The following SCHIP1 variants were observed in gnomAD, a reference collection of about 807,000 sequenced individuals.
SCHIP1 encodes the protein schwannomin-interacting protein 1.
Under a neutral mutation model 29.7 loss-of-function variants are expected in SCHIP1, and 8 were observed. The ratio of observed to expected loss-of-function variants is 0.27; its 90% CI spans 0.16 to 0.49. The LOEUF is 0.49. Ranked by LOEUF, SCHIP1 falls within the 20% of genes least tolerant of loss-of-function variation. SCHIP1 has a pLI of 0.99. For synonymous variants in SCHIP1, 76 were observed against 94.9 expected (o/e 0.80, Z 1.16); for missense variants, 193 against 294.6 (o/e 0.66, Z 2.52).
chr3:159,530,866 G>A, the SCHIP1 span, among the ~76,000 whole-genome samples: 2 of 152,162 alleles, frequency 1.3e-5, no homozygotes, highest in Non-Finnish European at 2.9e-5. Flanking sequence ...ACATGACCAG[G>A]AGGTTGAAAT....
chr3:159,365,380 G>A, the SCHIP1 span, among the ~76,000 whole-genome samples: 1 of 152,022 alleles, frequency 6.6e-6, no homozygotes, highest in Non-Finnish European at 1.5e-5. Flanking sequence ...ACTGTCAGGG[G>A]CATATGATGT....
At chr3:159,487,854 C>T in the SCHIP1 span, among the ~76,000 whole-genome samples, 5 of 152,232 alleles carry the variant, frequency 3.3e-5, no homozygotes, top group East Asian at 1.9e-4. Flanking sequence ...AAAGTTTTTA[C>T]GTTAGTCTTT....
chr3:159,696,222 C>T, the SCHIP1 span, among the ~76,000 whole-genome samples: 4 of 152,208 alleles, frequency 2.6e-5, no homozygotes, highest in East Asian at 1.9e-4. Context: ...TTACCACCAC[C>T]GTACCATCCA....
At position 159,892,078 on chromosome 3, in the gene SCHIP1, G is replaced by A. The variant is rs1308156268; in HGVS notation, c.590-19G>A. 3.7e-6 allele frequency: 6 copies of A among 1,608,830 alleles called. No homozygotes were observed. In the African/African-American group the frequency reaches 8.0e-5, roughly 22 times the overall value. ...GAGGCAGTTTTATCTGTTTTTAAATGTTCTGTTATTTGCCACAGGCTTGAA... is the reference window on the plus strand; with the variant it reads ...GAGGCAGTTTTATCTGTTTTTAAATATTCTGTTATTTGCCACAGGCTTGAA... On this transcript the variant is annotated intron_variant, in intron 5 of 6. Transcript: ENST00000445224.
chr3:159,286,289 C>A, the SCHIP1 span, among the ~76,000 whole-genome samples: 1 of 152,228 alleles, frequency 6.6e-6, no homozygotes, highest in South Asian at 2.1e-4. Flanking sequence ...GTGTTCTCAT[C>A]ATTTAGCTCC....
chr3:159,428,988 T>C, the SCHIP1 span, among the ~76,000 whole-genome samples: 5 of 147,374 alleles, frequency 3.4e-5, no homozygotes, highest in African/African-American at 7.6e-5. Flanking sequence ...TAGGTGGGAA[T>C]TGAACAATGA....
the SCHIP1 span, among the ~76,000 whole-genome samples, chr3:159,555,048 T>A: frequency 8.5e-5 from 13 of 152,298 alleles, no homozygotes; most frequent in Admixed American, 2.0e-4. Flanking sequence ...ATTAATTTTT[T>A]AAAAATTGGC....
chr3:159,508,698 T>A, the SCHIP1 span, among the ~76,000 whole-genome samples: 1 of 152,242 alleles, frequency 6.6e-6, no homozygotes, highest in Non-Finnish European at 1.5e-5. Flanking sequence ...AAAGAACATC[T>A]TTATTTCTGC....
chr3:159,395,407 A>C, the SCHIP1 span, among the ~76,000 whole-genome samples: 3 of 151,394 alleles, frequency 2.0e-5, no homozygotes, highest in Admixed American at 6.6e-5. Context: ...TTTAATTGTG[A>C]TGTTAGGGTG....
chr3:159,319,363 T>C, the SCHIP1 span, among the ~76,000 whole-genome samples: 1 of 152,182 alleles, frequency 6.6e-6, no homozygotes, highest in Non-Finnish European at 1.5e-5. Flanking sequence ...TAACAAAGGT[T>C]GGGGCATGAA....
chr3:159,466,015 T>C, the SCHIP1 span, among the ~76,000 whole-genome samples: 1 of 152,204 alleles, frequency 6.6e-6, no homozygotes, highest in Non-Finnish European at 1.5e-5. Flanking sequence ...ACACAATTTT[T>C]GAGAAATAAT....
the SCHIP1 span, among the ~76,000 whole-genome samples, chr3:159,552,186 C>T: frequency 2.0e-5 from 3 of 151,922 alleles, no homozygotes; most frequent in African/African-American, 7.3e-5. Context: ...GCTGGGATTA[C>T]AGGTGCACGC....
chr3:159,416,446 C>G, the SCHIP1 span, among the ~76,000 whole-genome samples: 2 of 152,196 alleles, frequency 1.3e-5, no homozygotes, highest in Non-Finnish European at 2.9e-5. Flanking sequence ...CTTATTCCTA[C>G]TTTGGTATCC....
chr3:159,587,934 T>C, the SCHIP1 span, among the ~76,000 whole-genome samples: 1 of 152,322 alleles, frequency 6.6e-6, no homozygotes, highest in Admixed American at 6.5e-5. Flanking sequence ...AACATACGTG[T>C]GCATGTGTCT....
chr3:159,821,828 G>A, the SCHIP1 span, among the ~76,000 whole-genome samples: 53 of 152,224 alleles, frequency 3.5e-4, no homozygotes, highest in African/African-American at 1.3e-3. Flanking sequence ...TTCATTTGGG[G>A]CCGTTATTAG....
the SCHIP1 span, among the ~76,000 whole-genome samples, chr3:159,762,215 AT>A: frequency 6.6e-6 from 1 of 152,218 alleles, no homozygotes; most frequent in Non-Finnish European, 1.5e-5. Context: ...ATAAAAGACA[AT>A]TTAAATAATC....
At chr3:159,345,554 TTC>T in the SCHIP1 span, among the ~76,000 whole-genome samples, 184 of 92,614 alleles carry the variant, frequency 2.0e-3, no homozygotes, top group Non-Finnish European at 1.9e-3. Flanking sequence ...GTGTCTCTCT[TTC>T]TCTCTCTCTC....
the SCHIP1 span, among the ~76,000 whole-genome samples, chr3:159,514,109 C>T: frequency 6.6e-6 from 1 of 151,992 alleles, no homozygotes; most frequent in South Asian, 2.1e-4. Context: ...CCCTTTTTTC[C>T]AGCCCAAGCA....
At chr3:159,888,030 C>T in intron 4 of SCHIP1, 125 bp downstream of exon 5, 1 of 1,265,110 alleles carries the variant, frequency 7.9e-7, no homozygotes, top group Non-Finnish European at 1.1e-6. Context: ...AAAGTCCTGT[C>T]ATTGAGAAAT....
Sources: gnomAD v4.1 joint callset for allele counts (sites outside exome capture counted in the v4.1 genomes callset) on GRCh38, gnomAD v4.1.1 for gene constraint, MANE v1.5 for transcripts, NCBI Gene and HGNC (gene_info 2026-07-23, HGNC 2026-07-21) for gene names.